The following WARS2 variants were observed in gnomAD, a reference collection of about 807,000 sequenced individuals.
WARS2 encodes the protein tryptophanyl tRNA synthetase 2, mitochondrial, also known as tryptophan--tRNA ligase, mitochondrial.
A neutral mutation model predicts 36.5 loss-of-function variants in WARS2; 28 were observed. The observed-to-expected ratio is 0.77, with a 90% CI of 0.57 to 1.05. WARS2 has a LOEUF of 1.05. WARS2 is among the 50% of genes least tolerant of loss of function. The pLI, the probability that WARS2 is intolerant of heterozygous loss-of-function variation, is 0.00. For synonymous variants in WARS2, 174 were observed against 178.4 expected, an observed-to-expected ratio of 0.98 and a Z score of 0.20; for missense variants, 435 against 456.8, an observed-to-expected ratio of 0.95 and a Z score of 0.44.
At chr1:119,078,872 A>G (rs587708111) in intron 1 of WARS2, among the ~76,000 whole-genome samples, 13 of 152,086 alleles carry the variant, frequency 8.5e-5, no homozygotes, top group African/African-American at 2.9e-4. Context: ...GAAATCTTTC[A>G]ATACCCTGCA....
chr1:119,039,435 A>G (rs1055360787), intron 4 of WARS2, among the ~76,000 whole-genome samples: 2 of 152,174 alleles, frequency 1.3e-5, no homozygotes, highest in African/African-American at 2.4e-5. Flanking sequence ...AGAGAGAGAG[A>G]AAAAGAGAGA....
intron 1 of WARS2, among the ~76,000 whole-genome samples, chr1:119,131,447 C>A (rs1656085925): frequency 6.9e-6 from 1 of 145,780 alleles, no homozygotes; most frequent in African/African-American, 2.6e-5. Context: ...CCGGACTGTG[C>A]AAAGTTTTTT....
At chr1:119,077,691 T>C (rs996142796) in intron 1 of WARS2, among the ~76,000 whole-genome samples, 3 of 152,140 alleles carry the variant, frequency 2.0e-5, no homozygotes, top group African/African-American at 4.8e-5. Context: ...ATTTTTACTC[T>C]GGTCATATTT....
chr1:119,117,170 C>A (rs1463718517), intron 1 of WARS2, among the ~76,000 whole-genome samples: 1 of 152,080 alleles, frequency 6.6e-6, no homozygotes, highest in Non-Finnish European at 1.5e-5. Context: ...CCCCACTTGT[C>A]TGGTGACTTG....
In WARS2 at chr1:119,032,944, G is replaced by A. The variant is rs1421971304; in HGVS notation, c.1050C>T (p.Cys350=). ...AACCCACCAATTTCTTCACCTCCTG[G>A]CACACAGTGTATGCTAATTCTTTGG... ...AKAKELAYTV[C]QEVKKLVGFL Residue 350 remains cysteine, a synonymous_variant, in exon 6 of 6, where the codon TGC becomes TGT. Transcript: ENST00000235521. 1.9e-6 allele frequency: 3 copies of A among 1,613,764 alleles called. No homozygotes were observed. The African/African-American group carries it at 4.0e-5, about 22-fold the overall frequency.
chr1:119,098,223 A>C (rs1368268700), intron 1 of WARS2, among the ~76,000 whole-genome samples: 4 of 151,844 alleles, frequency 2.6e-5, no homozygotes, highest in Admixed American at 2.6e-4. Context: ...CACTCCAACC[A>C]GGGCAGCAGA....
rs1647490612 is a variant in WARS2, at chr1:119,032,322, T to C, written c.*589A>G. 1 of 152,438 alleles carries C rather than the reference T, an allele frequency of 6.6e-6. No individual in the cohort carries two copies. The highest frequency in any genetic ancestry group is 2.4e-5 in the African/African-American group (1 of 41,456). 9.4% of individuals were successfully genotyped at this position (152,438 alleles called of 1,614,324 possible). Reference sequence around the variant, plus strand: ...GAAGATCATATCCCATATCTCTGAATTAAAAAACAAATTATTGCTGGAACA... The same window carrying C: ...GAAGATCATATCCCATATCTCTGAACTAAAAAACAAATTATTGCTGGAACA... On this transcript the variant is annotated 3_prime_UTR_variant, in exon 6 of 6. Transcript: ENST00000235521.
chr1:119,037,185 C>T (rs187267269), intron 4 of WARS2, among the ~76,000 whole-genome samples: 113 of 152,182 alleles, frequency 7.4e-4, no homozygotes, highest in African/African-American at 2.6e-3. Flanking sequence ...TTCTTAGACA[C>T]AACATAAAAC....
chr1:119,113,517 T>C (rs1654781677), intron 1 of WARS2, among the ~76,000 whole-genome samples: 1 of 152,108 alleles, frequency 6.6e-6, no homozygotes, highest in Non-Finnish European at 1.5e-5. Context: ...AGACAGATAT[T>C]GGCAGTAAAT....
At chr1:119,107,040 C>A (rs1414826344) in intron 1 of WARS2, among the ~76,000 whole-genome samples, 1 of 152,128 alleles carries the variant, frequency 6.6e-6, no homozygotes, top group Admixed American at 6.6e-5. Flanking sequence ...TTTTGATTTG[C>A]AATTCCCTAA....
intron 1 of WARS2, among the ~76,000 whole-genome samples, chr1:119,087,050 A>G (rs1282121552): frequency 6.6e-6 from 1 of 152,140 alleles, no homozygotes; most frequent in Non-Finnish European, 1.5e-5. Context: ...CACCTGTTCC[A>G]TGCTCCACCA....
At chr1:119,068,818 C>G (rs1651074168) in intron 2 of WARS2, among the ~76,000 whole-genome samples, 1 of 127,730 alleles carries the variant, frequency 7.8e-6, no homozygotes, top group Non-Finnish European at 1.6e-5. Context: ...GTGTCCCTCT[C>G]TCTCTTACTC....
Position 119,076,546 on chromosome 1 carries a change from T to G in WARS2, c.152A>C (p.Asn51Thr). Residue 51 changes from asparagine (N) to threonine (T), a missense_variant, in exon 2 of 6, where the codon AAT (asparagine) becomes ACT (threonine). Coordinates refer to ENST00000235521, the MANE Select transcript of WARS2 (RefSeq NM_015836.4). ...IQPTGILHLG[N>T]YLGAIESWVR... ...CCAGCTCTCAATGGCTCCCAGGTAA[T>G]TGCCCAGGTGGAGGATTCCTGTAGG... The G allele has an allele frequency of 6.2e-7, 1 of 1,614,162 alleles. No individual in the cohort carries two copies. Among genetic ancestry groups the G allele is most frequent in the Non-Finnish European group, 8.5e-7 (1 of 1,180,012 alleles).
At chr1:119,122,807 A>G (rs1466350928) in intron 1 of WARS2, among the ~76,000 whole-genome samples, 1 of 152,194 alleles carries the variant, frequency 6.6e-6, no homozygotes, top group Non-Finnish European at 1.5e-5. Flanking sequence ...CAAACATAGT[A>G]TGTTCTCACA....
At chr1:119,097,019 C>G (rs1177169474) in intron 1 of WARS2, among the ~76,000 whole-genome samples, 1 of 152,100 alleles carries the variant, frequency 6.6e-6, no homozygotes, top group African/African-American at 2.4e-5. Context: ...CTGTTACTAT[C>G]AAATAATTAT....
intron 4 of WARS2, among the ~76,000 whole-genome samples, chr1:119,038,254 A>G (rs1256517486): frequency 6.6e-6 from 1 of 152,214 alleles, no homozygotes; most frequent in East Asian, 1.9e-4. Flanking sequence ...AGAGTGGGTG[A>G]ATATGTGGAT....
chr1:119,092,017 C>T (rs1271173675), intron 1 of WARS2, among the ~76,000 whole-genome samples: 2 of 152,080 alleles, frequency 1.3e-5, no homozygotes, highest in Non-Finnish European at 2.9e-5. Flanking sequence ...CATAAACTGC[C>T]CGGTTTGAAC....
chr1:119,042,197 T>C (rs1429396348), intron 4 of WARS2, 67 bp downstream of exon 4: 2 of 1,480,246 alleles, frequency 1.4e-6, no homozygotes, highest in Non-Finnish European at 1.9e-6. Context: ...AAGTCTGTAT[T>C]GAATAGGTTA....
At chr1:119,083,170 AG>A (rs1430736097) in intron 1 of WARS2, among the ~76,000 whole-genome samples, 1 of 152,342 alleles carries the variant, frequency 6.6e-6, no homozygotes, top group Admixed American at 6.5e-5. Flanking sequence ...CAGAGGTTGC[AG>A]TGAGATGAGA....
Sources: gnomAD v4.1 joint callset for allele counts (sites outside exome capture counted in the v4.1 genomes callset) on GRCh38, gnomAD v4.1.1 for gene constraint, MANE v1.5 for transcripts, NCBI Gene and HGNC (gene_info 2026-07-23, HGNC 2026-07-21) for gene names.